The following EXOC5 variants were observed in gnomAD, a reference collection of about 807,000 sequenced individuals.
EXOC5 encodes exocyst complex component 5, also known as SEC10-like 1.
Under a neutral mutation model 90.8 loss-of-function variants are expected in EXOC5, and 17 were observed. The ratio of observed to expected loss-of-function variants is 0.19; its 90% confidence interval spans 0.13 to 0.28. EXOC5 has a LOEUF of 0.28. Among genes scored for constraint, EXOC5 ranks in the 10% least tolerant of loss-of-function variants. The pLI, the probability that EXOC5 is intolerant of heterozygous loss-of-function variation, is 1.00. For synonymous variants in EXOC5, 260 were observed against 270.0 expected (o/e 0.96, Z 0.36); for missense variants, 569 against 830.6 (o/e 0.69, Z 3.87).
Position 57,262,495 on chromosome 14 carries a change from C to T in EXOC5, c.27+6127G>A, listed in dbSNP as rs113656441. ...ATATTTCCATTTGCCTTGTGGACTT[C>T]TTTACCAGGATGTCTTGCTAAAAAC... On this transcript the variant is annotated intron_variant, in intron 1 of 17. Transcript: ENST00000621441. Among the ~76,000 whole-genome samples the T allele has an allele frequency of 4.9e-4, 74 of 150,978 alleles. 1 individual carries two copies. Among genetic ancestry groups the T allele is most frequent in the African/African-American group, 1.8e-3 (72 of 41,110 alleles).
intron 7 of EXOC5, among the ~76,000 whole-genome samples, chr14:57,234,398 A>AAC (rs1883587012): frequency 6.6e-6 from 1 of 150,816 alleles, no homozygotes. Context: ...CATACACACA[A>AAC]ACACACACAT....
chr14:57,218,181 A>G, intron 14 of EXOC5, 113 bp from the exon 15 acceptor site: 2 of 540,328 alleles, frequency 3.7e-6, no homozygotes, highest in South Asian at 6.2e-5. Flanking sequence ...ATATCCATAT[A>G]TACACATTAA....
chr14:57,266,846 G>A (rs1457326187), intron 1 of EXOC5, among the ~76,000 whole-genome samples: 1 of 150,290 alleles, frequency 6.7e-6, no homozygotes, highest in East Asian at 1.9e-4. Flanking sequence ...CTAGGGAGAG[G>A]GGAAAAAAAA....
At chr14:57,220,477 C>A (rs1883095876) in intron 13 of EXOC5, among the ~76,000 whole-genome samples, 1 of 151,966 alleles carries the variant, frequency 6.6e-6, no homozygotes, top group Non-Finnish European at 1.5e-5. Context: ...AACTGGCACA[C>A]ACAAACAGTC....
At chr14:57,268,411 G>A (rs1884758786) in intron 1 of EXOC5, 2 of 1,389,144 alleles carry the variant, frequency 1.4e-6, no homozygotes, top group Non-Finnish European at 1.9e-6. Context: ...TCTGCCGACC[G>A]GCCGCCCAGC....
At chr14:57,217,049 G>A (rs549364857) in intron 15 of EXOC5, among the ~76,000 whole-genome samples, 4 of 152,234 alleles carry the variant, frequency 2.6e-5, no homozygotes, top group South Asian at 4.1e-4. Flanking sequence ...TCAGGAAAAC[G>A]CAATCAGTTA....
At chr14:57,238,471 G>A (rs1243903459) in intron 5 of EXOC5, among the ~76,000 whole-genome samples, 1 of 149,820 alleles carries the variant, frequency 6.7e-6, no homozygotes, top group East Asian at 2.0e-4. Flanking sequence ...AAAATAGGAT[G>A]AAGACAGGGT....
chr14:57,219,460 A>T lies in EXOC5; in HGVS notation c.1406-18T>A, dbSNP rs1175972482. 1.3e-5 allele frequency: 21 copies of T among 1,556,210 alleles called. No individual in the cohort carries two copies. The highest frequency in any genetic ancestry group is 1.8e-5 in the Non-Finnish European group (21 of 1,153,226). On this transcript the variant is annotated intron_variant, in intron 13 of 17. Coordinates refer to ENST00000621441, the MANE Select transcript of EXOC5 (RefSeq NM_006544.4). ...GGGAATTCCTAAAACCAGAAAGCATACATATGTTAGAATCATCCTTGAAGA... is the reference window on the plus strand; with the variant it reads ...GGGAATTCCTAAAACCAGAAAGCATTCATATGTTAGAATCATCCTTGAAGA...
At chr14:57,229,172 CT>C (rs985687057) in intron 12 of EXOC5, among the ~76,000 whole-genome samples, 11 of 152,090 alleles carry the variant, frequency 7.2e-5, no homozygotes, top group African/African-American at 2.7e-4. Context: ...AAAATTTGAT[CT>C]GCTCAACTTT....
chr14:57,206,037 G>T lies in EXOC5; in HGVS notation c.*2572C>A. The T allele has an allele frequency of 2.2e-6, 1 of 452,520 alleles. No individual in the cohort carries two copies. The highest frequency in any genetic ancestry group is 1.6e-5 in the South Asian group (1 of 64,096). The allele number at this position is 452,520 out of a possible 1,614,324, so 28.0% of individuals were successfully genotyped here. A position where few individuals can be genotyped will look rare whatever the true frequency, so the allele number is the denominator to read the frequency against. On this transcript the variant is annotated 3_prime_UTR_variant, in exon 18 of 18. Coordinates refer to ENST00000621441, the MANE Select transcript of EXOC5 (RefSeq NM_006544.4). ...AAGGTAGGCTTCCTTTATTAAATTC[G>T]TATTCTGTATTTCAGATATTTCTCA...
intron 1 of EXOC5, among the ~76,000 whole-genome samples, chr14:57,253,061 C>T (rs1719155133): frequency 6.6e-6 from 1 of 152,102 alleles, no homozygotes; most frequent in African/African-American, 2.4e-5. Flanking sequence ...CATGACCTCA[C>T]TCATATGTGG....
rs1795635330 is a variant in EXOC5 at position 57,207,301 on chromosome 14, C to T, written c.*1308G>A. 1 of 152,330 alleles carries T rather than the reference C, an allele frequency of 6.6e-6. No individual in the cohort carries two copies. The highest frequency in any genetic ancestry group is 6.6e-5 in the Admixed American group (1 of 15,228). The allele number at this position is 152,330 out of a possible 1,614,324, so 9.4% of individuals were successfully genotyped here. ...AAAAGCCTATATTAAAGAAAAAATGCCAAGAGTGAATTGAATACTTAAGTT... is the reference window on the plus strand; with the variant it reads ...AAAAGCCTATATTAAAGAAAAAATGTCAAGAGTGAATTGAATACTTAAGTT... On this transcript the variant is annotated 3_prime_UTR_variant, in exon 18 of 18. Coordinates refer to ENST00000621441, the MANE Select transcript of EXOC5 (RefSeq NM_006544.4).
chr14:57,240,427 G>A (rs781340559), intron 4 of EXOC5, among the ~76,000 whole-genome samples: 3 of 151,566 alleles, frequency 2.0e-5, no homozygotes, highest in East Asian at 1.9e-4. Context: ...GATTACAGGC[G>A]CATGCCACCA....
chr14:57,217,103 G>A (rs1007022307), intron 15 of EXOC5, among the ~76,000 whole-genome samples: 14 of 152,176 alleles, frequency 9.2e-5, no homozygotes, highest in African/African-American at 3.4e-4. Flanking sequence ...AAAGGCAATA[G>A]ATAACAAGCG....
chr14:57,267,865 T>C (rs1447694617), intron 1 of EXOC5, among the ~76,000 whole-genome samples: 1 of 152,214 alleles, frequency 6.6e-6, no homozygotes, highest in East Asian at 1.9e-4. Flanking sequence ...TACATGTAAA[T>C]GCATATAATA....
chr14:57,241,262 T>C (rs2139648272), intron 4 of EXOC5, among the ~76,000 whole-genome samples: 1 of 152,360 alleles, frequency 6.6e-6, no homozygotes, highest in Non-Finnish European at 1.5e-5. Context: ...ATATAGCATT[T>C]CTGCTTCAGT....
At chr14:57,208,828 G>C in intron 17 of EXOC5, 31 bp from the exon 18 acceptor site, 1 of 1,425,482 alleles carries the variant, frequency 7.0e-7, no homozygotes, top group Non-Finnish European at 9.7e-7. Flanking sequence ...AAGTAACATT[G>C]AAACAAAACA....
At chr14:57,228,586 C>G (rs1442370459) in intron 12 of EXOC5, among the ~76,000 whole-genome samples, 1 of 151,430 alleles carries the variant, frequency 6.6e-6, no homozygotes, top group African/African-American at 2.4e-5. Context: ...CCATTATTCT[C>G]AGCAAACTAG....
At chr14:57,247,428 T>C (rs895040507) in intron 2 of EXOC5, among the ~76,000 whole-genome samples, 190 bp downstream of exon 2, 32 of 152,140 alleles carry the variant, frequency 2.1e-4, no homozygotes, top group African/African-American at 7.0e-4. Flanking sequence ...ACCAGTTAAA[T>C]TGCTTCTTTA....
Sources: gnomAD v4.1 joint callset for allele counts (sites outside exome capture counted in the v4.1 genomes callset) on GRCh38, gnomAD v4.1.1 for gene constraint, MANE v1.5 for transcripts, NCBI Gene and HGNC (gene_info 2026-07-23, HGNC 2026-07-21) for gene names.